Variants in GRM7 observed in about 807,000 individuals in gnomAD.
GRM7 encodes metabotropic glutamate receptor 7.
Under a neutral mutation model 84.5 loss-of-function variants are expected in GRM7, and 35 were observed. That is an observed-to-expected ratio of 0.41 (90% CI 0.32 to 0.55). The LOEUF is 0.55. Among genes scored for constraint, GRM7 ranks in the 20% least tolerant of loss-of-function variants. The pLI is 0.19. For synonymous variants in GRM7, 487 were observed against 455.1 expected (o/e 1.07, Z -0.89); for missense variants, 1,003 against 1,194.6 (o/e 0.84, Z 2.36).
intron 5 of GRM7, among the ~76,000 whole-genome samples, chr3:7,440,029 G>A (rs1460573689): frequency 6.6e-6 from 1 of 152,188 alleles, no homozygotes; most frequent in African/African-American, 2.4e-5. Flanking sequence ...GAGTTCCAGA[G>A]AGCACAAAGT....
chr3:7,317,071 T>C (rs552005810), intron 4 of GRM7, among the ~76,000 whole-genome samples: 1 of 152,300 alleles, frequency 6.6e-6, no homozygotes, highest in Non-Finnish European at 1.5e-5. Flanking sequence ...GCTTCATCAA[T>C]GTACTGCTGC....
intron 2 of GRM7, among the ~76,000 whole-genome samples, chr3:7,213,524 C>T (rs530991305): frequency 1.3e-5 from 2 of 152,286 alleles, no homozygotes. Context: ...TATACGATGT[C>T]TGAAGTTAGG....
chr3:7,404,626 G>A (rs1263495916), intron 4 of GRM7, among the ~76,000 whole-genome samples: 2 of 152,024 alleles, frequency 1.3e-5, no homozygotes, highest in Non-Finnish European at 1.5e-5. Flanking sequence ...TTGGCAGCAG[G>A]AGCACAATAC....
chr3:7,390,490 C>T (rs369358122), intron 4 of GRM7, among the ~76,000 whole-genome samples: 5 of 151,992 alleles, frequency 3.3e-5, no homozygotes, highest in Admixed American at 6.6e-5. Flanking sequence ...ATCATAGATT[C>T]GGTCACCTTA....
At chr3:7,532,894 A>G (rs1322670043) in intron 7 of GRM7, among the ~76,000 whole-genome samples, 1 of 151,588 alleles carries the variant, frequency 6.6e-6, no homozygotes, top group African/African-American at 2.4e-5. Flanking sequence ...AAAAAAAGAC[A>G]AAGAATGGCA....
At chr3:7,649,263 G>T (rs1359044977) in intron 8 of GRM7, among the ~76,000 whole-genome samples, 1 of 151,952 alleles carries the variant, frequency 6.6e-6, no homozygotes, top group African/African-American at 2.4e-5. Context: ...TAGAGACGGG[G>T]TTTCACCGTG....
chr3:7,288,816 G>T (rs1476965362), intron 2 of GRM7, among the ~76,000 whole-genome samples: 1 of 152,012 alleles, frequency 6.6e-6, no homozygotes, highest in Non-Finnish European at 1.5e-5. Flanking sequence ...ATTCACAAAG[G>T]TCTGATAATA....
intron 2 of GRM7, among the ~76,000 whole-genome samples, chr3:7,156,633 A>G (rs17046912): frequency 0.063 from 9,587 of 152,218 alleles, 767 homozygotes; most frequent in African/African-American, 0.17. Flanking sequence ...ACTGTGTACA[A>G]AAAACAACTT....
At chr3:7,436,787 A>G (rs1193270829) in intron 5 of GRM7, among the ~76,000 whole-genome samples, 1 of 152,128 alleles carries the variant, frequency 6.6e-6, no homozygotes. Context: ...TGTGCCTATG[A>G]ACTTTGCAGT....
chr3:7,401,350 G>C lies in GRM7; in HGVS notation c.1034-13673G>C, dbSNP rs73013696. Among the ~76,000 whole-genome samples, 233 of 152,272 alleles carry C rather than the reference G, an allele frequency of 1.5e-3. 1 individual carries two copies. The highest frequency in any genetic ancestry group is 2.5e-3 in the Non-Finnish European group (170 of 68,018). On this transcript the variant is annotated intron_variant, in intron 4 of 9. Transcript: ENST00000357716. Reference sequence around the variant, plus strand: ...GCAGAAAGTTGTCAGTAGGGCTGTAGTGCAAACAGTGTTGACCACGTTTTG... The same window carrying C: ...GCAGAAAGTTGTCAGTAGGGCTGTACTGCAAACAGTGTTGACCACGTTTTG...
intron 1 of GRM7, among the ~76,000 whole-genome samples, chr3:7,008,753 A>T (rs1695266509): frequency 6.6e-6 from 1 of 152,072 alleles, no homozygotes; most frequent in African/African-American, 2.4e-5. Context: ...CTCACACAAT[A>T]ATCTCCTCTG....
chr3:7,082,275 G>A (rs1698298628), intron 1 of GRM7, among the ~76,000 whole-genome samples: 1 of 152,042 alleles, frequency 6.6e-6, no homozygotes, highest in Non-Finnish European at 1.5e-5. Context: ...TTACCATTTT[G>A]AAAATCTTGG....
chr3:7,562,816 G>C (rs1199805913), intron 7 of GRM7, among the ~76,000 whole-genome samples: 1 of 152,056 alleles, frequency 6.6e-6, no homozygotes, highest in Non-Finnish European at 1.5e-5. Context: ...ACACTAATAC[G>C]CATCCTGCCT....
intron 2 of GRM7, among the ~76,000 whole-genome samples, chr3:7,222,335 G>A (rs1696833447): frequency 6.6e-6 from 1 of 152,018 alleles, no homozygotes; most frequent in Non-Finnish European, 1.5e-5. Flanking sequence ...GAGATTTGAA[G>A]GGTGAAAAGG....
At chr3:7,003,609 A>T (rs1336396832) in intron 1 of GRM7, among the ~76,000 whole-genome samples, 2 of 152,140 alleles carry the variant, frequency 1.3e-5, no homozygotes, top group Non-Finnish European at 2.9e-5. Flanking sequence ...CTAGTGGATG[A>T]GTCTAGGTCT....
intron 5 of GRM7, among the ~76,000 whole-genome samples, chr3:7,417,746 G>A (rs1347199365): frequency 1.3e-5 from 2 of 152,106 alleles, no homozygotes; most frequent in African/African-American, 4.8e-5. Flanking sequence ...CTCTTAAGAT[G>A]TGAGCACAAA....
intron 1 of GRM7, among the ~76,000 whole-genome samples, chr3:7,057,930 C>G (rs1419224937): frequency 6.6e-6 from 1 of 151,898 alleles, no homozygotes; most frequent in Non-Finnish European, 1.5e-5. Flanking sequence ...CATCAGGTAT[C>G]TAGACAGGTC....
chr3:7,361,871 G>A (rs1693679449), intron 4 of GRM7, among the ~76,000 whole-genome samples: 2 of 152,070 alleles, frequency 1.3e-5, no homozygotes, highest in African/African-American at 4.8e-5. Flanking sequence ...GAGTTAGATA[G>A]CTATTACTTA....
chr3:7,082,413 AAAG>A (rs1698304569), intron 1 of GRM7, among the ~76,000 whole-genome samples: 1 of 152,152 alleles, frequency 6.6e-6, no homozygotes, highest in South Asian at 2.1e-4. Context: ...CGGTAAAAAA[AAAG>A]ATTACTTTCA....
Sources: gnomAD v4.1 joint callset for allele counts (sites outside exome capture counted in the v4.1 genomes callset) on GRCh38, gnomAD v4.1.1 for gene constraint, MANE v1.5 for transcripts, NCBI Gene and HGNC (gene_info 2026-07-23, HGNC 2026-07-21) for gene names.